CORO2B: variants seen among roughly 807,000 people sequenced by gnomAD.
CORO2B encodes coronin 2B, also known as coronin-2B.
Under a neutral mutation model 58.8 loss-of-function variants are expected in CORO2B, and 26 were observed. The observed-to-expected ratio is 0.44, with a 90% CI of 0.32 to 0.61. CORO2B has a LOEUF of 0.61. CORO2B is among the 20% of genes least tolerant of loss of function. The pLI is 0.04. For synonymous variants in CORO2B, 242 were observed against 253.8 expected, an observed-to-expected ratio of 0.95 and a Z score of 0.44; for missense variants, 460 against 645.1, an observed-to-expected ratio of 0.71 and a Z score of 3.11.
intron 1 of CORO2B, among the ~76,000 whole-genome samples, chr15:68,617,879 G>C (rs929929867): frequency 3.3e-5 from 5 of 152,128 alleles, no homozygotes; most frequent in Admixed American, 2.0e-4. Context: ...GTGGGGGTTT[G>C]CATTTGAATC....
chr15:68,706,407 G>A (rs1892786591), intron 3 of CORO2B, among the ~76,000 whole-genome samples: 1 of 152,142 alleles, frequency 6.6e-6, no homozygotes, highest in Non-Finnish European at 1.5e-5. Context: ...GCACCGCTTA[G>A]TGCTACTCAA....
chr15:68,547,892 C>T, the CORO2B span, among the ~76,000 whole-genome samples: 9 of 152,104 alleles, frequency 5.9e-5, no homozygotes, highest in Middle Eastern at 3.2e-3. Context: ...CGTTTTTGGC[C>T]GGGCGTGGTG....
At chr15:68,597,368 T>G (rs536361854) in intron 1 of CORO2B, among the ~76,000 whole-genome samples, 1 of 152,230 alleles carries the variant, frequency 6.6e-6, no homozygotes, top group South Asian at 2.1e-4. Context: ...GTCCTAATTG[T>G]TTTACACGCA....
In CORO2B at chr15:68,714,050, C is replaced by A; in HGVS notation, c.765+9C>A. 1 of 1,582,180 alleles carries A rather than the reference C, an allele frequency of 6.3e-7. No homozygotes were observed. Among genetic ancestry groups the A allele is most frequent in the Non-Finnish European group, 8.7e-7 (1 of 1,151,442 alleles). On this transcript the variant is annotated intron_variant, in intron 6 of 11. Transcript: ENST00000261861. ...TTGCCCTCTGGGACCAGGTCAGCCA[C>A]GGGGAGGCCTGCTGGGTTTGGGCTA...
chr15:68,570,026 C>T, the CORO2B span, among the ~76,000 whole-genome samples: 2 of 152,348 alleles, frequency 1.3e-5, no homozygotes, highest in East Asian at 3.8e-4. Flanking sequence ...AGAGAGGCTA[C>T]TGTACTCTGG....
chr15:68,540,898 G>A, the CORO2B span, among the ~76,000 whole-genome samples: 7 of 152,102 alleles, frequency 4.6e-5, no homozygotes, highest in Non-Finnish European at 1.0e-4. Flanking sequence ...TTTTAATACA[G>A]TAAAAAAAGA....
chr15:68,560,623 C>T, the CORO2B span, among the ~76,000 whole-genome samples: 19 of 152,108 alleles, frequency 1.2e-4, no homozygotes, highest in African/African-American at 4.1e-4. Flanking sequence ...TGAAGGGAAA[C>T]ACCAGCAGCC....
At chr15:68,683,404 A>G (rs977465837) in intron 2 of CORO2B, among the ~76,000 whole-genome samples, 5 of 152,212 alleles carry the variant, frequency 3.3e-5, no homozygotes, top group African/African-American at 7.2e-5. Flanking sequence ...GAGAAAGCCA[A>G]TGCTAGTGAT....
intron 1 of CORO2B, among the ~76,000 whole-genome samples, chr15:68,581,986 C>T (rs116522776): frequency 1.0e-3 from 155 of 152,288 alleles, no homozygotes; most frequent in African/African-American, 3.6e-3. Flanking sequence ...ACTGCAGGAG[C>T]TCTGAGCTCA....
At chr15:68,550,061 T>G in the CORO2B span, among the ~76,000 whole-genome samples, 1 of 152,162 alleles carries the variant, frequency 6.6e-6, no homozygotes, top group African/African-American at 2.4e-5. Flanking sequence ...TCCTGCGGGC[T>G]GCAAACCACA....
chr15:68,722,893 C>A (rs1893196682), intron 11 of CORO2B, among the ~76,000 whole-genome samples: 1 of 151,774 alleles, frequency 6.6e-6, no homozygotes, highest in Admixed American at 6.6e-5. Context: ...CATGGTGAAA[C>A]CCTGTCTCTA....
At chr15:68,695,761 T>C (rs1892496033) in intron 3 of CORO2B, among the ~76,000 whole-genome samples, 1 of 151,964 alleles carries the variant, frequency 6.6e-6, no homozygotes, top group South Asian at 2.1e-4. Context: ...CCCACACAGG[T>C]GACCCAAAAT....
the CORO2B span, among the ~76,000 whole-genome samples, chr15:68,565,056 C>A: frequency 0.016 from 2,369 of 152,158 alleles, 24 homozygotes; most frequent in Middle Eastern, 0.041. Context: ...GTGAAAGTAA[C>A]TTTTCGAAGT....
At chr15:68,622,998 C>G (rs1900570449) in intron 1 of CORO2B, among the ~76,000 whole-genome samples, 1 of 152,084 alleles carries the variant, frequency 6.6e-6, no homozygotes, top group South Asian at 2.1e-4. Flanking sequence ...TATCACCCCT[C>G]TTTTAAAGAT....
At chr15:68,556,364 C>A in the CORO2B span, among the ~76,000 whole-genome samples, 1 of 152,152 alleles carries the variant, frequency 6.6e-6, no homozygotes, top group Non-Finnish European at 1.5e-5. Context: ...TGGAGGCACA[C>A]CTCTCCATTC....
chr15:68,615,859 C>T (rs1900341255), intron 1 of CORO2B, among the ~76,000 whole-genome samples: 1 of 152,132 alleles, frequency 6.6e-6, no homozygotes, highest in Admixed American at 6.5e-5. Context: ...TGGTATTTTG[C>T]TACAGAAGCC....
chr15:68,685,370 C>T (rs1429460165), intron 2 of CORO2B, among the ~76,000 whole-genome samples: 5 of 152,174 alleles, frequency 3.3e-5, no homozygotes, highest in African/African-American at 7.2e-5. Context: ...GTCACCACAT[C>T]CAGCTAATTT....
chr15:68,692,668 C>G (rs1440329980), intron 2 of CORO2B, among the ~76,000 whole-genome samples: 3 of 146,470 alleles, frequency 2.0e-5, no homozygotes, highest in Non-Finnish European at 3.0e-5. Context: ...GAGTCTCACT[C>G]TGTCGCCCAG....
intron 6 of CORO2B, among the ~76,000 whole-genome samples, chr15:68,714,357 G>A (rs1567018581): frequency 6.6e-6 from 1 of 152,184 alleles, no homozygotes; most frequent in Non-Finnish European, 1.5e-5. Context: ...CTTGCCTCCT[G>A]TTTGTAAGAC....
Sources: allele counts gnomAD v4.1 joint callset (sites outside exome capture counted in the v4.1 genomes callset), GRCh38; gene constraint gnomAD v4.1.1; transcripts MANE v1.5; gene names NCBI Gene and HGNC (gene_info 2026-07-23, HGNC 2026-07-21).